PPP3CA: variants seen among roughly 807,000 people sequenced by gnomAD.
The protein encoded by PPP3CA is protein phosphatase 3 catalytic subunit alpha, also known as CAM-PRP catalytic subunit.
Under a neutral mutation model 66.5 loss-of-function variants are expected in PPP3CA, and 14 were observed. That is an observed-to-expected ratio of 0.21 (90% CI 0.14 to 0.33). The LOEUF is 0.33. Ranked by LOEUF, PPP3CA falls within the 10% of genes least tolerant of loss-of-function variation. PPP3CA has a pLI of 1.00. For missense variants in PPP3CA, 317 were observed against 639.5 expected, an observed-to-expected ratio of 0.50 and a Z score of 5.44; for synonymous variants, 232 against 226.2, an observed-to-expected ratio of 1.03 and a Z score of -0.23.
At chr4:101,214,580 G>A (rs559265027) in intron 1 of PPP3CA, among the ~76,000 whole-genome samples, 2 of 151,986 alleles carry the variant, frequency 1.3e-5, no homozygotes, top group African/African-American at 2.4e-5. Flanking sequence ...ATTGTCTCCA[G>A]GGAGCAAGTT....
intron 1 of PPP3CA, among the ~76,000 whole-genome samples, chr4:101,223,892 A>G (rs1029821892): frequency 4.0e-5 from 6 of 151,858 alleles, no homozygotes; most frequent in African/African-American, 1.4e-4. Context: ...AGAAATGTAT[A>G]TTCTTCTGAA....
rs1363999838 is a variant in PPP3CA at position 101,031,234 on chromosome 4, C to G, written c.1339+1033G>C. ...AATAATATAAATGAGAATAGTGAGT[C>G]TTCTAGGTTGAAGGGCAGGGACAGA... On this transcript the variant is annotated intron_variant, in intron 12 of 13. Transcript: ENST00000394854. Among the ~76,000 whole-genome samples, 4 of 152,080 alleles carry G rather than the reference C, an allele frequency of 2.6e-5. No individual in the cohort carries two copies. The East Asian group carries it at 7.7e-4, about 29-fold the overall frequency.
chr4:101,093,729 G>T, intron 6 of PPP3CA, 47 bp downstream of exon 6: 1 of 1,501,874 alleles, frequency 6.7e-7, no homozygotes, highest in Non-Finnish European at 8.9e-7. Context: ...ATAAATCCTA[G>T]CATTATGATG....
At chr4:101,121,661 G>A (rs889762537) in intron 2 of PPP3CA, among the ~76,000 whole-genome samples, 1 of 151,950 alleles carries the variant, frequency 6.6e-6, no homozygotes, top group Admixed American at 6.6e-5. Context: ...TGTGCCATAG[G>A]TGTAATGGAG....
In PPP3CA at chr4:101,090,331, C is replaced by A. The variant is rs550966364; in HGVS notation, c.782+3445G>T. On this transcript the variant is annotated intron_variant, in intron 6 of 13. Transcript: ENST00000394854. The stretch of plus-strand genomic sequence containing the variant: ...ATCTATACTTGCCATAGCTAAAAAT[C>A]ATTATTTATTAAGAATGTTTAATGA... Among the ~76,000 whole-genome samples, 298 of 152,212 alleles carry A rather than the reference C, an allele frequency of 2.0e-3. 2 individuals are homozygous for A. Among genetic ancestry groups the A allele is most frequent in the Non-Finnish European group, 3.1e-3 (211 of 68,008 alleles).
chr4:101,106,500 G>GAAAAGA lies in PPP3CA; in HGVS notation c.384+2453_384+2454insTCTTTT, dbSNP rs199877919. ...GAAAAGAAAAGAAAAGAAAAGAAAA[G>GAAAAGA]AAAGAAAGAAAGAAAAAGAAAGAAA... On this transcript the variant is annotated intron_variant, in intron 3 of 13. Coordinates refer to ENST00000394854, the MANE Select transcript of PPP3CA (RefSeq NM_000944.5). 6.5e-3 allele frequency among the ~76,000 whole-genome samples: 490 copies of GAAAAGA among 75,688 alleles called. 76 individuals carry two copies. Among genetic ancestry groups the GAAAAGA allele is most frequent in the East Asian group, 0.025 (53 of 2,156 alleles). The allele number at this position is 75,688 out of a possible 152,430, so 49.7% of individuals were successfully genotyped here. A position where few individuals can be genotyped will look rare whatever the true frequency, so the allele number is the denominator to read the frequency against.
chr4:101,075,157 G>T (rs1729130611), intron 8 of PPP3CA, among the ~76,000 whole-genome samples: 1 of 152,164 alleles, frequency 6.6e-6, no homozygotes, highest in Non-Finnish European at 1.5e-5. Context: ...GACAGGTGGG[G>T]ATTATTACAA....
intron 1 of PPP3CA, among the ~76,000 whole-genome samples, chr4:101,215,124 A>T (rs1230906159): frequency 6.6e-6 from 1 of 151,896 alleles, no homozygotes; most frequent in Non-Finnish European, 1.5e-5. Context: ...AGGGAAATTC[A>T]TTTCTACCAA....
At chr4:101,162,414 C>G (rs190068276) in intron 2 of PPP3CA, among the ~76,000 whole-genome samples, 1 of 151,846 alleles carries the variant, frequency 6.6e-6, no homozygotes, top group East Asian at 1.9e-4. Flanking sequence ...GCTGGTAATC[C>G]CAGCTATTCA....
intron 2 of PPP3CA, among the ~76,000 whole-genome samples, chr4:101,190,487 T>C (rs534605655): frequency 1.3e-4 from 20 of 152,300 alleles, no homozygotes; most frequent in Non-Finnish European, 7.4e-5. Flanking sequence ...ATGTTTCCCA[T>C]AGATAGCGCT....
intron 1 of PPP3CA, among the ~76,000 whole-genome samples, chr4:101,248,414 C>T (rs1056108656): frequency 6.6e-6 from 1 of 152,096 alleles, no homozygotes; most frequent in African/African-American, 2.4e-5. Context: ...TAAAAGGAAA[C>T]CACTATTCTT....
At chr4:101,029,313 C>A in intron 12 of PPP3CA, 118 bp from the exon 13 acceptor site, 1 of 476,120 alleles carries the variant, frequency 2.1e-6, no homozygotes, top group African/African-American at 2.6e-5. Flanking sequence ...CCTGTAAGTG[C>A]TAGATTCTGG....
At chr4:101,092,216 A>G (rs1729985038) in intron 6 of PPP3CA, among the ~76,000 whole-genome samples, 1 of 152,168 alleles carries the variant, frequency 6.6e-6, no homozygotes, top group African/African-American at 2.4e-5. Flanking sequence ...CAAAGTCCTA[A>G]AAATAAATAT....
intron 3 of PPP3CA, among the ~76,000 whole-genome samples, chr4:101,106,412 A>AGAAG: frequency 9.2e-5 from 1 of 10,824 alleles, no homozygotes. Context: ...AAAGAAAGAA[A>AGAAG]GAAAGAAAGA....
chr4:101,206,739 T>A (rs1466266701), intron 1 of PPP3CA, among the ~76,000 whole-genome samples: 23 of 152,164 alleles, frequency 1.5e-4, no homozygotes, highest in Non-Finnish European at 2.9e-5. Context: ...GATTGTCTTT[T>A]CCCCATCTCA....
chr4:101,245,424 G>A (rs3804406), intron 1 of PPP3CA, among the ~76,000 whole-genome samples: 84,666 of 151,950 alleles, frequency 0.56, 27,458 homozygotes, highest in Non-Finnish European at 0.74. Context: ...TATACTGTAC[G>A]CTTTTACCAT....
intron 2 of PPP3CA, among the ~76,000 whole-genome samples, chr4:101,123,721 C>T (rs1468938032): frequency 3.3e-5 from 5 of 152,104 alleles, no homozygotes; most frequent in African/African-American, 4.8e-5. Flanking sequence ...TAATCAGGGT[C>T]TTGTCATCCA....
At chr4:101,278,288 T>A (rs1727575455) in intron 1 of PPP3CA, among the ~76,000 whole-genome samples, 1 of 152,168 alleles carries the variant, frequency 6.6e-6, no homozygotes, top group Non-Finnish European at 1.5e-5. Flanking sequence ...TCAATTTTAT[T>A]TAAAGATTGC....
intron 5 of PPP3CA, among the ~76,000 whole-genome samples, chr4:101,098,096 A>G (rs1730279069): frequency 2.6e-5 from 4 of 152,338 alleles, no homozygotes; most frequent in African/African-American, 7.2e-5. Context: ...ATGATAAGGC[A>G]TATTTTTTTT....
Sources: gnomAD v4.1 joint callset for allele counts (sites outside exome capture counted in the v4.1 genomes callset) on GRCh38, gnomAD v4.1.1 for gene constraint, MANE v1.5 for transcripts, NCBI Gene and HGNC (gene_info 2026-07-23, HGNC 2026-07-21) for gene names.